Variants in GIT1 observed in about 807,000 individuals in gnomAD.
The protein encoded by GIT1 is ARF GTPase-activating protein GIT1.
GIT1 carries 14 observed loss-of-function variants against 91.7 expected under a neutral mutation model. The observed-to-expected ratio is 0.15, with a 90% CI of 0.10 to 0.24. The LOEUF is 0.24. GIT1 is among the 10% of genes least tolerant of loss of function. The probability of loss-of-function intolerance (pLI) is 1.00; values close to 1 mark genes in which losing one functional copy is unlikely to be tolerated. For missense variants in GIT1, 717 were observed against 1,024.9 expected, an observed-to-expected ratio of 0.70 and a Z score of 4.10; for synonymous variants, 414 against 418.2, an observed-to-expected ratio of 0.99 and a Z score of 0.12.
At chr17:29,585,708 C>T (rs2033571206) in intron 1 of GIT1, among the ~76,000 whole-genome samples, 1 of 152,178 alleles carries the variant, frequency 6.6e-6, no homozygotes, top group Admixed American at 6.5e-5. Context: ...CTGTCTCCTC[C>T]CTCTGTGCAA....
Position 29,576,443 on chromosome 17 carries a change from T to C in GIT1, c.1388A>G (p.Lys463Arg). ...GAGCTGCAGGTTCTCCGCCTGCAGC[T>C]TGTGGATCTATGGGTGCAAAGTGCT... ...ELRRLQREIH[K>R]LQAENLQLRQ... Residue 463 changes from lysine to arginine, a missense_variant, in exon 14 of 20, where the codon AAG becomes AGG. Physicochemically the swap from Lys to Arg is conservative, Grantham distance 26. Around this residue, in one of 3 missense-constraint regions of GIT1, gnomAD observed 312 missense variants for 349.5 expected, o/e 0.89. Coordinates refer to ENST00000225394, the MANE Select transcript of GIT1 (RefSeq NM_014030.4). The C allele has an allele frequency of 1.2e-6, 2 of 1,612,776 alleles. No homozygotes were observed. Among genetic ancestry groups the C allele is most frequent in the Non-Finnish European group, 1.7e-6 (2 of 1,179,464 alleles).
In GIT1 at chr17:29,589,578, T is replaced by TCCGCCCCGCGCCGCCCC. The variant is rs1555576671; in HGVS notation, c.-217_-201dup. 6.9e-6 allele frequency: 1 copy of TCCGCCCCGCGCCGCCCC among 144,500 alleles called. No individual in the cohort carries two copies. The highest frequency in any genetic ancestry group is 6.9e-5 in the Admixed American group (1 of 14,542). The allele number at this position is 144,500 out of a possible 1,614,324, so 9.0% of individuals were successfully genotyped here. A position where few individuals can be genotyped will look rare whatever the true frequency, so the allele number is the denominator to read the frequency against. On this transcript the variant is annotated 5_prime_UTR_variant, in exon 1 of 20. Coordinates refer to ENST00000225394, the MANE Select transcript of GIT1 (RefSeq NM_014030.4). This position sits in a 1 kb window ranked among gnomAD's most constrained non-coding sequence, Gnocchi z 5.2. ...CCTGCCCGCTCGCCCTCGGGCGCCC[T>TCCGCCCCGCGCCGCCCC]CCGCCCCGCGCCGCCCCGCCGCCGC...
chr17:29,586,873 C>T (rs528791590), intron 1 of GIT1, among the ~76,000 whole-genome samples: 24 of 152,174 alleles, frequency 1.6e-4, no homozygotes, highest in Non-Finnish European at 3.4e-4. Context: ...GGAACACATA[C>T]GGTGCCTGAC....
rs772727654 is a variant in GIT1, at chr17:29,575,685, C to T, written c.1771G>A (p.Gly591Ser). 1.1e-5 allele frequency: 18 copies of T among 1,612,532 alleles called. No individual in the cohort carries two copies. Among genetic ancestry groups the T allele is most frequent in the Admixed American group, 3.3e-5 (2 of 60,000 alleles). The part of the protein sequence containing the change: ...SRHTSKLSRH[G>S]SGADSDYENT... The stretch of plus-strand genomic sequence containing the variant: ...TCATAGTCACTGTCGGCTCCACTGC[C>T]GTGGCGGGAAAGCTTGCTCTGGAGG... The change falls in exon 17 of 20, where the codon GGC (glycine) becomes AGC (serine). Residue 591 changes from glycine to serine, a missense_variant. By Grantham distance (56) the Gly-to-Ser change is moderately conservative. Around this residue, in one of 3 missense-constraint regions of GIT1, gnomAD observed 134 missense variants for 223.8 expected, o/e 0.60. Coordinates refer to ENST00000225394, the MANE Select transcript of GIT1 (RefSeq NM_014030.4). The surrounding 1 kb of genome is among the most constrained non-coding windows in gnomAD (Gnocchi z 5.5).
chr17:29,579,010 A>C, intron 7 of GIT1: 1 of 1,613,436 alleles, frequency 6.2e-7, no homozygotes, highest in African/African-American at 1.3e-5. Flanking sequence ...GGAAGGCAGC[A>C]GAGGGAAGAA....
At position 29,575,965 on chromosome 17, in the gene GIT1, A is replaced by G. The variant is rs1301960419; in HGVS notation, c.1666-67T>C. 1.3e-6 allele frequency: 2 copies of G among 1,528,534 alleles called. No individual in the cohort carries two copies. The highest frequency in any genetic ancestry group is 4.5e-5 in the East Asian group (2 of 44,092). 94.7% of individuals were successfully genotyped at this position (1,528,534 alleles called of 1,614,324 possible). A position where few individuals can be genotyped will look rare whatever the true frequency, so the allele number is the denominator to read the frequency against. On this transcript the variant is annotated intron_variant, in intron 15 of 19. Coordinates refer to ENST00000225394, the MANE Select transcript of GIT1 (RefSeq NM_014030.4). The surrounding 1 kb of genome is among the most constrained non-coding windows in gnomAD (Gnocchi z 5.5). ...CTGCCCCCCTGCTCACCAGCAGTGC[A>G]GCAGGGACCAGGTCAGTCTAATCAT...
At position 29,576,102 on chromosome 17, in the gene GIT1, C is replaced by T. The variant is rs369202718; in HGVS notation, c.1641G>A (p.Val547=). The part of the protein sequence containing the change: ...TELEDDAIYS[V]HVPAGLYRIR... ...CCCGGTAAAGGCCAGCAGGGACGTG[C>T]ACTGAATAGATGGCGTCGTCCTCTA... is the stretch of plus-strand genomic sequence containing the variant. The change falls in exon 15 of 20, where the codon GTG becomes GTA. Residue 547 remains valine, a synonymous_variant. Transcript: ENST00000225394. 1.8e-4 allele frequency: 298 copies of T among 1,613,778 alleles called. 3 individuals are homozygous for T. In the South Asian group the frequency reaches 3.1e-3, roughly 17 times the overall value.
Position 29,576,644 on chromosome 17 carries a change from C to G in GIT1, c.1258G>C (p.Ala420Pro). The G allele has an allele frequency of 1.2e-6, 2 of 1,614,012 alleles. No individual in the cohort carries two copies. Among genetic ancestry groups the G allele is most frequent in the Non-Finnish European group, 1.7e-6 (2 of 1,179,996 alleles). ...SMDSSDLSDG[A>P]VTLQEYLELK... The stretch of plus-strand genomic sequence containing the variant: ...TCCAGGTACTCCTGCAGCGTCACAG[C>G]CCCGTCAGACAAGTCCGAGGAGTCC... The change falls in exon 13 of 20, where the codon GCT (alanine) becomes CCT (proline). Residue 420 changes from alanine to proline, a missense_variant. Ala to Pro is a conservative substitution (Grantham distance 27). Around this residue, in one of 3 missense-constraint regions of GIT1, gnomAD observed 312 missense variants for 349.5 expected, o/e 0.89. Transcript: ENST00000225394.
intron 7 of GIT1, chr17:29,579,222 C>G (rs1414627483): frequency 3.5e-6 from 2 of 571,066 alleles, no homozygotes; most frequent in Non-Finnish European, 6.3e-6. Flanking sequence ...TGGCAGTCAC[C>G]TGAAGCCTCC....
Position 29,583,504 on chromosome 17 carries a change from G to A in GIT1, c.165C>T (p.Ala55=). ...GTACCTGCAGCAGCGTGGGAGGCCA[G>A]GCGCTGTGGCGAAGGTGCTTGACAA... The part of the protein sequence containing the change: ...ISIVKHLRHS[A]WPPTLLQMVH... The change falls in exon 2 of 20, where the codon GCC becomes GCT. Residue 55 remains alanine, a synonymous_variant. Coordinates refer to ENST00000225394, the MANE Select transcript of GIT1 (RefSeq NM_014030.4). 6.2e-7 allele frequency: 1 copy of A among 1,612,400 alleles called. No individual in the cohort carries two copies. Among genetic ancestry groups the A allele is most frequent in the Non-Finnish European group, 8.5e-7 (1 of 1,179,952 alleles).
intron 4 of GIT1, 102 bp downstream of exon 4, chr17:29,582,596 T>C (rs1051798460): frequency 1.1e-5 from 9 of 811,030 alleles, no homozygotes; most frequent in African/African-American, 1.7e-5. Flanking sequence ...CCTGGCTGCC[T>C]TTGGGGCCCA....
Position 29,583,511 on chromosome 17 carries a change from T to C in GIT1, c.158A>G (p.His53Arg). ...CAGCAGCGTGGGAGGCCAGGCGCTG[T>C]GGCGAAGGTGCTTGACAATGGAGAT... ...RHISIVKHLR[H>R]SAWPPTLLQM... The change falls in exon 2 of 20, where the codon CAC (histidine) becomes CGC (arginine). Residue 53 changes from histidine to arginine, a missense_variant. By Grantham distance (29) the His-to-Arg change is conservative. Coordinates refer to ENST00000225394, the MANE Select transcript of GIT1 (RefSeq NM_014030.4). 1 of 1,612,516 alleles carries C rather than the reference T, an allele frequency of 6.2e-7. No individual in the cohort carries two copies. Among genetic ancestry groups the C allele is most frequent in the Non-Finnish European group, 8.5e-7 (1 of 1,179,950 alleles).
At chr17:29,577,316 A>C in intron 10 of GIT1, 69 bp from the exon 11 acceptor site, 1 of 1,155,062 alleles carries the variant, frequency 8.7e-7, no homozygotes, top group South Asian at 1.3e-5. Context: ...GGCAGGGACC[A>C]AGTAGCAAGG....
rs2033299269 is a variant in GIT1, at chr17:29,578,711, C to T, written c.810+20G>A. The stretch of plus-strand genomic sequence containing the variant: ...GAGGGGCCAGCTTCAAGTGTCAGGG[C>T]ACTGTTGGAGCAGACTTACCGCCTG... On this transcript the variant is annotated intron_variant, in intron 8 of 19. Coordinates refer to ENST00000225394, the MANE Select transcript of GIT1 (RefSeq NM_014030.4). 6.2e-7 allele frequency: 1 copy of T among 1,608,888 alleles called. No homozygotes were observed. Among genetic ancestry groups the T allele is most frequent in the Non-Finnish European group, 8.5e-7 (1 of 1,175,248 alleles).
rs1446513574 is a variant in GIT1 at position 29,574,131 on chromosome 17, A to AG, written c.*570_*571insC. On this transcript the variant is annotated 3_prime_UTR_variant, in exon 20 of 20. Coordinates refer to ENST00000225394, the MANE Select transcript of GIT1 (RefSeq NM_014030.4). ...TTAAGGGGTGGGGAAGAAGAAAGAAAAAAAAAAAACAGACTTTCCAGTGTT... is the reference window on the plus strand; with the variant it reads ...TTAAGGGGTGGGGAAGAAGAAAGAAAGAAAAAAAAACAGACTTTCCAGTGTT... 6.6e-6 allele frequency: 1 copy of AG among 152,496 alleles called. No individual in the cohort carries two copies. The highest frequency in any genetic ancestry group is 2.4e-5 in the African/African-American group (1 of 41,428). The allele number at this position is 152,496 out of a possible 1,614,324, so 9.4% of individuals were successfully genotyped here. A position where few individuals can be genotyped will look rare whatever the true frequency, so the allele number is the denominator to read the frequency against.
Position 29,588,692 on chromosome 17 carries a change from G to A in GIT1, c.52+635C>T, listed in dbSNP as rs186932328. ...CCCAGTCACCACCAGCAGGCCTGGG[G>A]ATGCCTCCCGAGAAGACACCCGGGT... On this transcript the variant is annotated intron_variant, in intron 1 of 19. Coordinates refer to ENST00000225394, the MANE Select transcript of GIT1 (RefSeq NM_014030.4). Among the ~76,000 whole-genome samples the A allele has an allele frequency of 1.9e-3, 285 of 152,328 alleles. 2 individuals are homozygous for A. The highest frequency in any genetic ancestry group is 2.8e-3 in the Admixed American group (43 of 15,308).
intron 7 of GIT1, among the ~76,000 whole-genome samples, chr17:29,579,950 C>T (rs1465682567): frequency 1.3e-5 from 2 of 152,180 alleles, no homozygotes; most frequent in African/African-American, 4.8e-5. Context: ...GCTCTCGGGG[C>T]TGCTCATTCT....
Position 29,574,269 on chromosome 17 carries a change from G to T in GIT1, c.*433C>A, listed in dbSNP as rs1234533268. ...TGGCTACAGGGCAGGGACATCCATGGAGACTATGTACAAAGGAGGGGATGC... is the reference window on the plus strand; with the variant it reads ...TGGCTACAGGGCAGGGACATCCATGTAGACTATGTACAAAGGAGGGGATGC... On this transcript the variant is annotated 3_prime_UTR_variant, in exon 20 of 20. Coordinates refer to ENST00000225394, the MANE Select transcript of GIT1 (RefSeq NM_014030.4). The T allele has an allele frequency of 5.0e-6, 1 of 198,166 alleles. No homozygotes were observed. Among genetic ancestry groups the T allele is most frequent in the South Asian group, 9.1e-5 (1 of 10,984 alleles). 12.3% of individuals were successfully genotyped at this position (198,166 alleles called of 1,614,324 possible). A position where few individuals can be genotyped will look rare whatever the true frequency, so the allele number is the denominator to read the frequency against.
chr17:29,574,839 G>T lies in GIT1; in HGVS notation c.2149C>A (p.Arg717=). The change falls in exon 20 of 20, where the codon CGG becomes AGG. Residue 717 remains arginine (R), a synonymous_variant. Coordinates refer to ENST00000225394, the MANE Select transcript of GIT1 (RefSeq NM_014030.4). ...CCGGGCTCTGGGGGCACTGTCTTCC[G>T]GCACTCACTCTGCAGCCGGTAGGCG... The part of the protein sequence containing the change: ...ASAYRLQSEC[R]KTVPPEPGAP... The T allele has an allele frequency of 6.2e-7, 1 of 1,606,328 alleles. No homozygotes were observed.
Sources: allele counts gnomAD v4.1 joint callset (sites outside exome capture counted in the v4.1 genomes callset), GRCh38; gene constraint gnomAD v4.1.1; regional missense constraint gnomAD v4.1.1; non-coding constraint Gnocchi (gnomAD v3.1); transcripts MANE v1.5; gene names NCBI Gene and HGNC (gene_info 2026-07-23, HGNC 2026-07-21).